The following BANK1 variants were observed in gnomAD, a reference collection of about 807,000 sequenced individuals.
BANK1 encodes B cell scaffold protein with ankyrin repeats 1.
Under a neutral mutation model 94.5 loss-of-function variants are expected in BANK1, and 95 were observed. The observed-to-expected ratio is 1.00, with a 90% CI of 0.85 to 1.19. The LOEUF (loss-of-function observed/expected upper bound fraction) is 1.19, where lower values mean the gene tolerates loss of function less well. Among genes scored for constraint, BANK1 ranks in the 50% most tolerant of loss-of-function variants. BANK1 has a pLI of 0.00. For missense variants in BANK1, 987 were observed against 932.2 expected (o/e 1.06, Z -0.77); for synonymous variants, 334 against 308.4 (o/e 1.08, Z -0.87).
At chr4:101,987,143 C>CT in intron 7 of BANK1, among the ~76,000 whole-genome samples, 1 of 151,526 alleles carries the variant, frequency 6.6e-6, no homozygotes, top group Non-Finnish European at 1.5e-5. Flanking sequence ...AAGATGGTTG[C>CT]TTATCTTTAC....
At chr4:102,026,582 A>G (rs935661123) in intron 9 of BANK1, among the ~76,000 whole-genome samples, 3 of 152,168 alleles carry the variant, frequency 2.0e-5, no homozygotes, top group Non-Finnish European at 4.4e-5. Context: ...TAATCCCAGC[A>G]CTTTGGGAGG....
chr4:101,894,397 G>A (rs1335060054), intron 5 of BANK1, among the ~76,000 whole-genome samples: 1 of 151,966 alleles, frequency 6.6e-6, no homozygotes, highest in Non-Finnish European at 1.5e-5. Context: ...GAAATCCAGG[G>A]AGACCTAAAC....
chr4:101,924,977 A>G (rs1352626637), intron 7 of BANK1, among the ~76,000 whole-genome samples: 1 of 151,730 alleles, frequency 6.6e-6, no homozygotes, highest in East Asian at 1.9e-4. Flanking sequence ...TATTTTAAAA[A>G]ATAACTTATT....
intron 14 of BANK1, among the ~76,000 whole-genome samples, chr4:102,071,737 A>C (rs1227205278): frequency 6.6e-6 from 1 of 152,232 alleles, no homozygotes; most frequent in Non-Finnish European, 1.5e-5. Flanking sequence ...GAAATTTGAG[A>C]AACATTTGAG....
In BANK1 at chr4:101,936,265, A is replaced by G. The variant is rs558286900; in HGVS notation, c.1206+18076A>G. On this transcript the variant is annotated intron_variant, in intron 7 of 16. Transcript: ENST00000322953. ...ATACATATATGACACACATACATGT[A>G]TGCATACATGTATATGTACACATAT... 5.8e-4 allele frequency among the ~76,000 whole-genome samples: 87 copies of G among 150,300 alleles called. 1 individual carries two copies. Among genetic ancestry groups the G allele is most frequent in the African/African-American group, 2.0e-3 (84 of 41,200 alleles).
intron 12 of BANK1, chr4:102,061,364 G>A (rs1333618211): frequency 6.6e-6 from 1 of 152,190 alleles, no homozygotes; most frequent in South Asian, 2.1e-4. Context: ...TTATGGTTGT[G>A]GGTTGGTGGC....
intron 7 of BANK1, among the ~76,000 whole-genome samples, chr4:101,936,348 C>T (rs149401112): frequency 8.3e-4 from 120 of 145,042 alleles, no homozygotes; most frequent in African/African-American, 2.8e-3. Context: ...TGTACATATA[C>T]ATGTATACAT....
At chr4:102,006,094 A>G (rs1486223240) in intron 7 of BANK1, among the ~76,000 whole-genome samples, 2 of 152,032 alleles carry the variant, frequency 1.3e-5, no homozygotes, top group Non-Finnish European at 2.9e-5. Context: ...CTTTTCCCCC[A>G]TTGTATAATA....
At chr4:102,036,341 A>G (rs1159506193) in intron 10 of BANK1, among the ~76,000 whole-genome samples, 1 of 152,194 alleles carries the variant, frequency 6.6e-6, no homozygotes, top group East Asian at 1.9e-4. Context: ...TTGAAATGCA[A>G]AAAGAGAAAA....
chr4:102,042,979 C>A (rs186285113), intron 10 of BANK1, among the ~76,000 whole-genome samples: 11 of 152,108 alleles, frequency 7.2e-5, no homozygotes, highest in Admixed American at 5.3e-4. Flanking sequence ...AATTACTTAG[C>A]CTTTTTACAA....
At chr4:101,921,587 C>G (rs576365024) in intron 7 of BANK1, among the ~76,000 whole-genome samples, 1 of 151,898 alleles carries the variant, frequency 6.6e-6, no homozygotes, top group Non-Finnish European at 1.5e-5. Flanking sequence ...GTCACCCCAT[C>G]CATTCCCATC....
intron 10 of BANK1, among the ~76,000 whole-genome samples, chr4:102,031,684 C>T (rs1727320568): frequency 6.6e-6 from 1 of 152,088 alleles, no homozygotes; most frequent in South Asian, 2.1e-4. Context: ...CTTCCTAATT[C>T]TATAAGAAAG....
chr4:101,802,980 T>C (rs1303964203), intron 1 of BANK1, among the ~76,000 whole-genome samples: 1 of 152,276 alleles, frequency 6.6e-6, no homozygotes, highest in South Asian at 2.1e-4. Context: ...GGAAAAAAAA[T>C]TTCTGTGGTG....
intron 10 of BANK1, among the ~76,000 whole-genome samples, chr4:102,035,715 A>G (rs1464911999): frequency 6.6e-6 from 1 of 151,474 alleles, no homozygotes; most frequent in African/African-American, 2.4e-5. Context: ...CTGATTTTTT[A>G]TCCCATTGCT....
chr4:102,004,352 A>G (rs1726177470), intron 7 of BANK1, among the ~76,000 whole-genome samples: 1 of 152,362 alleles, frequency 6.6e-6, no homozygotes, highest in Non-Finnish European at 1.5e-5. Context: ...TGAGGGGTTC[A>G]TGACATTCTC....
At chr4:101,987,344 C>T (rs1392232044) in intron 7 of BANK1, among the ~76,000 whole-genome samples, 1 of 152,064 alleles carries the variant, frequency 6.6e-6, no homozygotes, top group Non-Finnish European at 1.5e-5. Context: ...ATACTATACC[C>T]TCATTTATAA....
intron 11 of BANK1, among the ~76,000 whole-genome samples, chr4:102,059,222 C>T (rs1728333024): frequency 6.6e-6 from 1 of 152,180 alleles, no homozygotes. Flanking sequence ...GGGCATATCC[C>T]TCCAGGGATA....
chr4:101,954,024 G>C (rs182415690), intron 7 of BANK1, among the ~76,000 whole-genome samples: 1 of 152,002 alleles, frequency 6.6e-6, no homozygotes, highest in Non-Finnish European at 1.5e-5. Context: ...CTGGAGACCC[G>C]AGGAAGAATC....
At position 101,918,100 on chromosome 4, in the gene BANK1, A is replaced by G. The variant is rs1193029424; in HGVS notation, c.1117A>G (p.Lys373Glu). 6.2e-7 allele frequency: 1 copy of G among 1,612,256 alleles called. No homozygotes were observed. Among genetic ancestry groups the G allele is most frequent in the East Asian group, 2.2e-5 (1 of 44,814 alleles). Residue 373 changes from lysine (K) to glutamate (E), a missense_variant, in exon 7 of 17, where the codon AAG (lysine) becomes GAG (glutamate). Coordinates refer to ENST00000322953, the MANE Select transcript of BANK1 (RefSeq NM_017935.5). The stretch of plus-strand genomic sequence containing the variant: ...ATGTTCAGGAGCAACCTGGGCATCT[A>G]AGATGAAAAATATGGAGGGTTCAGA... ...LQCSGATWAS[K>E]MKNMEGSDPA...
Sources: gnomAD v4.1 joint callset for allele counts (sites outside exome capture counted in the v4.1 genomes callset) on GRCh38, gnomAD v4.1.1 for gene constraint, MANE v1.5 for transcripts, NCBI Gene and HGNC (gene_info 2026-07-23, HGNC 2026-07-21) for gene names.